GALNT7: variants seen among roughly 807,000 people sequenced by gnomAD.
The protein encoded by GALNT7 is polypeptide N-acetylgalactosaminyltransferase 7.
In GALNT7, 60 loss-of-function variants were observed where a neutral mutation model predicts 82.1. The observed-to-expected ratio is 0.73, with a 90% CI of 0.59 to 0.91. The LOEUF (loss-of-function observed/expected upper bound fraction) is 0.91, where lower values mean the gene tolerates loss of function less well. Ranked by LOEUF, GALNT7 falls within the 40% of genes least tolerant of loss-of-function variation. The probability of loss-of-function intolerance (pLI) is 0.00; values close to 1 mark genes in which losing one functional copy is unlikely to be tolerated. For missense variants in GALNT7, 660 were observed against 804.2 expected (o/e 0.82, Z 2.17); for synonymous variants, 243 against 275.1 (o/e 0.88, Z 1.15).
chr4:173,258,735 TG>T (rs1484094257), intron 2 of GALNT7, among the ~76,000 whole-genome samples: 1 of 152,220 alleles, frequency 6.6e-6, no homozygotes. Context: ...AACTCGAAGA[TG>T]GAGATCCTGG....
At chr4:173,202,599 T>C (rs1337970250) in intron 1 of GALNT7, among the ~76,000 whole-genome samples, 4 of 152,204 alleles carry the variant, frequency 2.6e-5, no homozygotes, top group Admixed American at 2.6e-4. Context: ...CAGGAAATCT[T>C]ATCTGCTCAC....
chr4:173,321,628 TCA>T lies in GALNT7; in HGVS notation c.1886_1887del (p.Ser629Ter). The stretch of plus-strand genomic sequence containing the variant: ...TCCTTCAGGAAAGTGTTTAGATCGC[TCA>T]GAGGTCCTGCATCAAGTATTCATCT... Reference protein sequence around the residue: ...HIPSGKCLDRSEVLHQVFISN... With the variant: ...HIPSGKCLDRXEVLHQVFISN... On this transcript the variant is annotated frameshift_variant, in exon 12 of 12. Transcript: ENST00000265000. LOFTEE classifies it high-confidence loss of function. 1 of 1,606,610 alleles carries T rather than the reference TCA, an allele frequency of 6.2e-7. No homozygotes were observed. The highest frequency in any genetic ancestry group is 2.2e-5 in the East Asian group (1 of 44,830).
chr4:173,187,287 ATATTT>A (rs1732491194), intron 1 of GALNT7, among the ~76,000 whole-genome samples: 1 of 151,998 alleles, frequency 6.6e-6, no homozygotes, highest in South Asian at 2.1e-4. Context: ...CACTGTAGAA[ATATTT>A]TAATTGTTGT....
At chr4:173,291,782 G>A (rs2126828579) in intron 2 of GALNT7, among the ~76,000 whole-genome samples, 1 of 147,770 alleles carries the variant, frequency 6.8e-6, no homozygotes, top group South Asian at 2.1e-4. Context: ...AAATAACTAA[G>A]GTCCAGGTCA....
At chr4:173,262,664 T>C (rs994039379) in intron 2 of GALNT7, among the ~76,000 whole-genome samples, 1 of 152,204 alleles carries the variant, frequency 6.6e-6, no homozygotes, top group Admixed American at 6.5e-5. Context: ...TAGTTTGTCC[T>C]TTGTTTCTTT....
intron 1 of GALNT7, among the ~76,000 whole-genome samples, chr4:173,196,678 T>G (rs1377687078): frequency 2.0e-5 from 3 of 152,168 alleles, no homozygotes; most frequent in Non-Finnish European, 1.5e-5. Flanking sequence ...TCATTAGCTA[T>G]TCTTCCTGAT....
At chr4:173,236,538 C>G (rs17059235) in intron 1 of GALNT7, among the ~76,000 whole-genome samples, 23,372 of 152,224 alleles carry the variant, frequency 0.15, 1,879 homozygotes, top group Non-Finnish European at 0.17. Flanking sequence ...GTCTGAACCT[C>G]TCAGCAGTTC....
chr4:173,187,399 C>T (rs1272784892), intron 1 of GALNT7, among the ~76,000 whole-genome samples: 1 of 150,256 alleles, frequency 6.7e-6, no homozygotes, highest in East Asian at 2.0e-4. Context: ...AAAAAAAAAC[C>T]TGTGTACTGG....
At chr4:173,198,225 A>ATTT (rs1260344443) in intron 1 of GALNT7, among the ~76,000 whole-genome samples, 5 of 21,304 alleles carry the variant, frequency 2.3e-4, no homozygotes, top group South Asian at 3.1e-3. Context: ...ATGCCTGGCT[A>ATTT]ATTTTTTTTT....
chr4:173,267,225 T>A (rs1735535571), intron 2 of GALNT7, among the ~76,000 whole-genome samples: 1 of 152,122 alleles, frequency 6.6e-6, no homozygotes, highest in Non-Finnish European at 1.5e-5. Context: ...TATTAATTTT[T>A]AAAAGCCACC....
intron 1 of GALNT7, among the ~76,000 whole-genome samples, chr4:173,188,459 C>T (rs1181364961): frequency 6.6e-6 from 1 of 152,124 alleles, no homozygotes; most frequent in Non-Finnish European, 1.5e-5. Context: ...GATTTCACGG[C>T]ATACATTGGT....
At chr4:173,277,982 A>G (rs1380954996) in intron 2 of GALNT7, among the ~76,000 whole-genome samples, 1 of 151,680 alleles carries the variant, frequency 6.6e-6, no homozygotes, top group African/African-American at 2.4e-5. Context: ...AGTAATCCTC[A>G]GGTACTGGAG....
At chr4:173,194,796 C>T (rs1254748073) in intron 1 of GALNT7, among the ~76,000 whole-genome samples, 1 of 152,098 alleles carries the variant, frequency 6.6e-6, no homozygotes, top group Non-Finnish European at 1.5e-5. Flanking sequence ...CCGCTTCCCC[C>T]ACCCCACAAC....
chr4:173,318,551 T>C lies in GALNT7; in HGVS notation c.1828T>C (p.Tyr610His). The change falls in exon 11 of 12, where the codon TAC becomes CAC. Residue 610 changes from tyrosine to histidine, a missense_variant. This residue lies in a region of GALNT7 where 527 missense variants were observed against 683.5 expected (regional missense o/e 0.77). Coordinates refer to ENST00000265000, the MANE Select transcript of GALNT7 (RefSeq NM_017423.3). ...TCTAAATGAATTTAAGGAATGGCAG[T>C]ACTTCAAGGTATTCTGCATTTTAAC... Reference protein sequence around the residue: ...CNLNEFKEWQYFKNLHRFTHI... With the variant: ...CNLNEFKEWQHFKNLHRFTHI... The C allele has an allele frequency of 6.4e-7, 1 of 1,553,062 alleles. No homozygotes were observed. Among genetic ancestry groups the C allele is most frequent in the Non-Finnish European group, 8.9e-7 (1 of 1,126,742 alleles).
intron 1 of GALNT7, among the ~76,000 whole-genome samples, chr4:173,231,114 G>C (rs1293060823): frequency 2.0e-5 from 3 of 152,198 alleles, no homozygotes; most frequent in Non-Finnish European, 2.9e-5. Context: ...TTATGGGACA[G>C]ACTGATTTAA....
At chr4:173,211,221 G>C (rs1443886036) in intron 1 of GALNT7, among the ~76,000 whole-genome samples, 2 of 152,112 alleles carry the variant, frequency 1.3e-5, no homozygotes, top group Admixed American at 6.5e-5. Flanking sequence ...AGGGATGCAT[G>C]TTCAGAATCA....
At chr4:173,264,943 T>C (rs1427473266) in intron 2 of GALNT7, among the ~76,000 whole-genome samples, 1 of 152,232 alleles carries the variant, frequency 6.6e-6, no homozygotes, top group African/African-American at 2.4e-5. Context: ...AAAATAATGA[T>C]AGATGTGGCA....
At chr4:173,321,430 G>A (rs1737810190) in intron 11 of GALNT7, 150 bp from the exon 12 acceptor site, 1 of 605,992 alleles carries the variant, frequency 1.7e-6, no homozygotes, top group South Asian at 2.1e-5. Flanking sequence ...CCAGAAAACT[G>A]ACAATCAAGA....
chr4:173,171,143 G>A (rs1228613907), intron 1 of GALNT7, among the ~76,000 whole-genome samples: 2 of 152,140 alleles, frequency 1.3e-5, no homozygotes, highest in African/African-American at 4.8e-5. Context: ...AGTAATACAA[G>A]CAATTTAAAG....
Sources: allele counts gnomAD v4.1 joint callset (sites outside exome capture counted in the v4.1 genomes callset), GRCh38; gene constraint gnomAD v4.1.1; regional missense constraint gnomAD v4.1.1; transcripts MANE v1.5; gene names NCBI Gene and HGNC (gene_info 2026-07-23, HGNC 2026-07-21).